Variants in DMD observed in about 807,000 individuals in gnomAD.
DMD encodes the protein mutant dystrophin.
A neutral mutation model predicts 330.1 loss-of-function variants in DMD; 63 were observed. The observed-to-expected ratio is 0.19, with a 90% CI of 0.16 to 0.24. The LOEUF (loss-of-function observed/expected upper bound fraction) is 0.24, where lower values mean the gene tolerates loss of function less well. Ranked by LOEUF, DMD falls within the 10% of genes least tolerant of loss-of-function variation. DMD has a pLI of 1.00. For synonymous variants in DMD, 1,223 were observed against 959.8 expected (o/e 1.27, Z -5.07); for missense variants, 3,344 against 2,684.1 (o/e 1.25, Z -5.43).
chrX:32,075,907 G>C (rs2096341372), intron 44 of DMD, among the ~76,000 whole-genome samples: 1 of 107,348 alleles, frequency 9.3e-6, no homozygotes, highest in Admixed American at 1.0e-4. Flanking sequence ...AAATTAGCCA[G>C]GCGTGGTGGC....
At chrX:31,618,793 T>C (rs987539049) in intron 55 of DMD, among the ~76,000 whole-genome samples, 2 of 112,005 alleles carry the variant, frequency 1.8e-5, no homozygotes, top group African/African-American at 3.2e-5. Flanking sequence ...CATTGGAGTA[T>C]TTCCAATTTT....
intron 41 of DMD, among the ~76,000 whole-genome samples, chrX:32,316,746 C>T (rs1260691920): frequency 1.8e-5 from 2 of 110,508 alleles, no homozygotes; most frequent in South Asian, 3.7e-4. Context: ...TTGTAATTTT[C>T]ATATACAAGA....
intron 76 of DMD, among the ~76,000 whole-genome samples, chrX:31,134,626 T>C (rs1468005172): frequency 2.7e-5 from 3 of 111,291 alleles, no homozygotes; most frequent in South Asian, 3.8e-4. Context: ...TTTCACCATA[T>C]TGGCCAGGCT....
At chrX:31,296,533 G>A (rs1375517835) in intron 62 of DMD, among the ~76,000 whole-genome samples, 1 of 111,710 alleles carries the variant, frequency 9.0e-6, no homozygotes, top group Non-Finnish European at 1.9e-5. Context: ...TCCCTTTACA[G>A]TAGGTCAAGA....
At chrX:33,120,415 C>T (rs2095415695) in intron 1 of DMD, among the ~76,000 whole-genome samples, 1 of 111,196 alleles carries the variant, frequency 9.0e-6, no homozygotes, top group Non-Finnish European at 1.9e-5. Flanking sequence ...AGTTAAAGGT[C>T]GCTTCTGGTG....
chrX:31,348,821 A>G (rs1334906383), intron 60 of DMD, among the ~76,000 whole-genome samples, 187 bp from the exon 61 acceptor site: 1 of 112,197 alleles, frequency 8.9e-6, no homozygotes, highest in African/African-American at 3.2e-5. Flanking sequence ...TTATCAATCC[A>G]AGGCCAAACA....
At chrX:33,050,602 G>A (rs1343405118) in intron 1 of DMD, among the ~76,000 whole-genome samples, 1 of 111,463 alleles carries the variant, frequency 9.0e-6, no homozygotes, top group Non-Finnish European at 1.9e-5. Flanking sequence ...CAACAGCAGA[G>A]CCTTAATGAT....
intron 1 of DMD, among the ~76,000 whole-genome samples, chrX:33,081,225 G>A (rs997681572): frequency 1.8e-5 from 2 of 111,066 alleles, no homozygotes; most frequent in Non-Finnish European, 3.8e-5. Flanking sequence ...GAAATACTAC[G>A]GGAGAAGACA....
chrX:32,318,184 C>G (rs1041929471), intron 41 of DMD, among the ~76,000 whole-genome samples: 5 of 111,118 alleles, frequency 4.5e-5, no homozygotes, highest in Non-Finnish European at 5.7e-5. Flanking sequence ...AAGTTTCCTT[C>G]TAGGAATCAT....
At chrX:32,983,783 T>G (rs1467972474) in intron 2 of DMD, among the ~76,000 whole-genome samples, 1 of 111,664 alleles carries the variant, frequency 9.0e-6, no homozygotes, top group East Asian at 2.8e-4. Flanking sequence ...AAAGTCAATT[T>G]TGATTTTTTT....
At chrX:32,773,809 GT>G (rs778241323) in intron 7 of DMD, among the ~76,000 whole-genome samples, 2 of 111,301 alleles carry the variant, frequency 1.8e-5, no homozygotes, top group African/African-American at 6.5e-5. Flanking sequence ...TTCTGAACAT[GT>G]TTTTTAAAAT....
rs185416944 is a variant in DMD at position 32,725,771 on chromosome X, C to T, written c.650-26478G>A. On this transcript the variant is annotated intron_variant, in intron 7 of 78. Coordinates refer to ENST00000357033, the MANE Select transcript of DMD (RefSeq NM_004006.3). ...TAGAAAGAATAAAACATAGTATTTG[C>T]GAGCACAGCAAGGTGACTATACTCA... 1.3e-3 allele frequency among the ~76,000 whole-genome samples: 142 copies of T among 110,777 alleles called. 1 individual carries two copies. Among genetic ancestry groups the T allele is most frequent in the African/African-American group, 4.2e-3 (127 of 30,591 alleles).
At chrX:32,957,359 T>C (rs2091652972) in intron 2 of DMD, among the ~76,000 whole-genome samples, 1 of 111,774 alleles carries the variant, frequency 8.9e-6, no homozygotes, top group Non-Finnish European at 1.9e-5. Context: ...GTGCCAGGCA[T>C]GTGATAAACA....
chrX:32,777,667 C>G, intron 7 of DMD, among the ~76,000 whole-genome samples: 1 of 111,704 alleles, frequency 9.0e-6, no homozygotes, highest in Non-Finnish European at 1.9e-5. Context: ...CTTTACCTTT[C>G]CAATTGGTAT....
At chrX:31,228,180 G>A (rs758460562) in intron 63 of DMD, among the ~76,000 whole-genome samples, 26 of 102,181 alleles carry the variant, frequency 2.5e-4, no homozygotes, top group Admixed American at 6.5e-4. Flanking sequence ...TGGGTGCAGC[G>A]CACCAGCATG....
At chrX:32,870,980 A>AAAAAAAAAAAAAAAAAAAAAAAAAG (rs770375159) in intron 2 of DMD, among the ~76,000 whole-genome samples, 4 of 37,242 alleles carry the variant, frequency 1.1e-4, no homozygotes, top group Non-Finnish European at 1.1e-4. Flanking sequence ...AAAAAAAAAA[A>AAAAAAAAAAAAAAAAAAAAAAAAAG]AAAAAAAACC....
At chrX:31,759,757 T>G (rs2089427526) in intron 51 of DMD, among the ~76,000 whole-genome samples, 1 of 112,007 alleles carries the variant, frequency 8.9e-6, no homozygotes. Context: ...CCTCAGACAG[T>G]TGCTCTAGAG....
At chrX:32,575,030 T>C (rs1007272827) in intron 13 of DMD, among the ~76,000 whole-genome samples, 1 of 110,549 alleles carries the variant, frequency 9.0e-6, no homozygotes, top group African/African-American at 3.3e-5. Context: ...CCCCAGTAGC[T>C]GAGATTACAG....
chrX:32,276,692 G>A (rs754355528), intron 43 of DMD, among the ~76,000 whole-genome samples: 1 of 111,082 alleles, frequency 9.0e-6, no homozygotes, highest in African/African-American at 3.3e-5. Context: ...GGCCGAAGTA[G>A]GTGGATCACT....
Sources: gnomAD v4.1 joint callset for allele counts (sites outside exome capture counted in the v4.1 genomes callset) on GRCh38, gnomAD v4.1.1 for gene constraint, MANE v1.5 for transcripts, NCBI Gene and HGNC (gene_info 2026-07-23, HGNC 2026-07-21) for gene names.